CDKAL1: variants seen among roughly 807,000 people sequenced by gnomAD.
The protein encoded by CDKAL1 is CDKAL1 threonylcarbamoyladenosine tRNA methylthiotransferase, also known as threonylcarbamoyladenosine tRNA methylthiotransferase.
CDKAL1 carries 32 observed loss-of-function variants against 68.2 expected under a neutral mutation model. The ratio of observed to expected loss-of-function variants is 0.47; its 90% confidence interval spans 0.35 to 0.63. CDKAL1 has a LOEUF of 0.63. CDKAL1 is among the 30% of genes least tolerant of loss of function. The probability of loss-of-function intolerance (pLI) is 0.00; values close to 1 mark genes in which losing one functional copy is unlikely to be tolerated. For synonymous variants in CDKAL1, 234 were observed against 244.3 expected (o/e 0.96, Z 0.39); for missense variants, 606 against 696.7 (o/e 0.87, Z 1.47).
chr6:20,603,022 T>C (rs1766172188), intron 4 of CDKAL1, among the ~76,000 whole-genome samples: 1 of 152,174 alleles, frequency 6.6e-6, no homozygotes, highest in Non-Finnish European at 1.5e-5. Flanking sequence ...AATCTGCTTG[T>C]TCCCACTGAG....
rs1447117840 is a variant in CDKAL1 at position 21,231,027 on chromosome 6, G to A, written c.1728G>A (p.Lys576=). ...GTCTTCTTTTTGCTTTTTTTGTCAA[G>A]GTCTATAATTAGAATACAACTAATG... ...LLGLLFAFFV[K]VYN Residue 576 remains lysine, a synonymous_variant, in exon 16 of 16, where the codon AAG becomes AAA. Transcript: ENST00000274695. The A allele has an allele frequency of 1.2e-6, 2 of 1,602,078 alleles. No individual in the cohort carries two copies. The highest frequency in any genetic ancestry group is 1.7e-5 in the Admixed American group (1 of 59,080).
At chr6:20,797,824 A>ATTTTATTTTATTTTTT (rs1305180130) in intron 8 of CDKAL1, among the ~76,000 whole-genome samples, 1 of 109,782 alleles carries the variant, frequency 9.1e-6, no homozygotes, top group Non-Finnish European at 2.0e-5. Context: ...ATTTTATTTT[A>ATTTTATTTTATTTTTT]TTTTTTCTTG....
chr6:20,538,436 G>A (rs1396439111), intron 2 of CDKAL1, among the ~76,000 whole-genome samples: 1 of 152,146 alleles, frequency 6.6e-6, no homozygotes, highest in Non-Finnish European at 1.5e-5. Flanking sequence ...CTCTATCAAT[G>A]TACAAATCCT....
chr6:20,773,471 A>C (rs1775030781), intron 7 of CDKAL1, among the ~76,000 whole-genome samples: 1 of 152,228 alleles, frequency 6.6e-6, no homozygotes, highest in Non-Finnish European at 1.5e-5. Flanking sequence ...TAATATTCTT[A>C]AATAAAATTC....
intron 11 of CDKAL1, among the ~76,000 whole-genome samples, chr6:21,058,019 C>A (rs889121327): frequency 6.6e-6 from 1 of 152,232 alleles, no homozygotes; most frequent in Non-Finnish European, 1.5e-5. Flanking sequence ...CTGTAGATAT[C>A]CATCAGGTCC....
chr6:21,152,816 A>G (rs1186822791), intron 13 of CDKAL1, among the ~76,000 whole-genome samples: 1 of 152,218 alleles, frequency 6.6e-6, no homozygotes, highest in Non-Finnish European at 1.5e-5. Flanking sequence ...ACAGATCCCT[A>G]TCATTCAGCC....
At position 20,666,274 on chromosome 6, in the gene CDKAL1, A is replaced by AT. The variant is rs36034806; in HGVS notation, c.371+16909dup. Among the ~76,000 whole-genome samples the AT allele has an allele frequency of 6.6e-3, 971 of 147,560 alleles. 8 individuals carry two copies. Among genetic ancestry groups the AT allele is most frequent in the African/African-American group, 0.022 (905 of 40,272 alleles). ...TGAGATATTGGTTTTTGCCCACTAG[A>AT]TTTTTTTTTTTTCCCAGTAGGCCCA... On this transcript the variant is annotated intron_variant, in intron 5 of 15. Coordinates refer to ENST00000274695, the MANE Select transcript of CDKAL1 (RefSeq NM_017774.3).
chr6:20,959,013 C>G (rs909021833), intron 10 of CDKAL1, among the ~76,000 whole-genome samples: 2 of 152,190 alleles, frequency 1.3e-5, no homozygotes, highest in African/African-American at 4.8e-5. Context: ...ACATTTTATT[C>G]AATCTCCATA....
At chr6:20,919,503 G>A (rs946811101) in intron 9 of CDKAL1, among the ~76,000 whole-genome samples, 1 of 152,066 alleles carries the variant, frequency 6.6e-6, no homozygotes, top group Non-Finnish European at 1.5e-5. Flanking sequence ...CCTACATTAG[G>A]TATTTCTCCT....
chr6:20,609,712 G>T (rs1370248625), intron 4 of CDKAL1, among the ~76,000 whole-genome samples: 1 of 151,748 alleles, frequency 6.6e-6, no homozygotes, highest in African/African-American at 2.4e-5. Flanking sequence ...ACCATATTCT[G>T]CTAAATGAAG....
chr6:21,015,561 G>C (rs542107159), intron 11 of CDKAL1, among the ~76,000 whole-genome samples: 1 of 151,912 alleles, frequency 6.6e-6, no homozygotes, highest in South Asian at 2.1e-4. Context: ...TGTCCAGTTT[G>C]TTTTGACTCT....
intron 15 of CDKAL1, among the ~76,000 whole-genome samples, chr6:21,214,496 G>C (rs1181181416): frequency 1.3e-5 from 2 of 151,792 alleles, no homozygotes; most frequent in East Asian, 3.9e-4. Context: ...AACACACGAG[G>C]TCTGCTCCCT....
rs1464845237 is a variant in CDKAL1 at position 20,982,033 on chromosome 6, A to C, written c.910-18194A>C. Among the ~76,000 whole-genome samples, 3 of 151,154 alleles carry C rather than the reference A, an allele frequency of 2.0e-5. No homozygotes were observed. The Admixed American group carries it at 2.0e-4, about 10-fold the overall frequency. ...TGTGGAAATCACTTTTTCTCACCTA[A>C]GATAGAAGGAAATTCTTATTTATTT... On this transcript the variant is annotated intron_variant, in intron 10 of 15. Coordinates refer to ENST00000274695, the MANE Select transcript of CDKAL1 (RefSeq NM_017774.3).
intron 8 of CDKAL1, among the ~76,000 whole-genome samples, chr6:20,812,349 A>G (rs1445107854): frequency 1.3e-5 from 2 of 152,146 alleles, no homozygotes; most frequent in African/African-American, 4.8e-5. Context: ...ACTATTGCTT[A>G]TTGGCTAGTG....
intron 5 of CDKAL1, among the ~76,000 whole-genome samples, chr6:20,661,150 C>G (rs1769266764): frequency 6.6e-6 from 1 of 152,118 alleles, no homozygotes. Context: ...TACTTATTCA[C>G]TGAATTGAAT....
intron 9 of CDKAL1, among the ~76,000 whole-genome samples, chr6:20,927,667 C>T (rs769659427): frequency 2.0e-5 from 3 of 152,080 alleles, no homozygotes; most frequent in African/African-American, 2.4e-5. Flanking sequence ...TCCTAGGAAA[C>T]GTTTTCTAAA....
At chr6:21,085,284 G>A (rs1016572318) in intron 12 of CDKAL1, among the ~76,000 whole-genome samples, 4 of 152,172 alleles carry the variant, frequency 2.6e-5, no homozygotes, top group Admixed American at 1.3e-4. Flanking sequence ...AGTCAAAACT[G>A]TAGTTAAAAT....
chr6:20,773,925 C>G (rs183377531), intron 7 of CDKAL1, among the ~76,000 whole-genome samples: 1 of 152,108 alleles, frequency 6.6e-6, no homozygotes. Flanking sequence ...CCCCCATCAT[C>G]GTGTTGGATT....
At chr6:20,569,214 T>C (rs1477545256) in intron 4 of CDKAL1, among the ~76,000 whole-genome samples, 2 of 152,226 alleles carry the variant, frequency 1.3e-5, no homozygotes, top group Admixed American at 1.3e-4. Flanking sequence ...AGTAGTTCAG[T>C]TTTTGAGACA....
Sources: allele counts gnomAD v4.1 joint callset (sites outside exome capture counted in the v4.1 genomes callset), GRCh38; gene constraint gnomAD v4.1.1; transcripts MANE v1.5; gene names NCBI Gene and HGNC (gene_info 2026-07-23, HGNC 2026-07-21).